Variants in TSNARE1 observed in about 807,000 individuals in gnomAD.
The protein encoded by TSNARE1 is t-SNARE domain containing 1.
In TSNARE1, 49 loss-of-function variants were observed where a neutral mutation model predicts 62.0. The observed-to-expected ratio is 0.79, with a 90% CI of 0.63 to 1.00. The LOEUF (loss-of-function observed/expected upper bound fraction) is 1.00. Among genes scored for constraint, TSNARE1 ranks in the 50% least tolerant of loss-of-function variants. The pLI is 0.00. For synonymous variants in TSNARE1, 328 were observed against 294.4 expected, an observed-to-expected ratio of 1.11 and a Z score of -1.17; for missense variants, 755 against 700.1, an observed-to-expected ratio of 1.08 and a Z score of -0.88.
At chr8:142,378,257 G>A (rs1836486397) in intron 1 of TSNARE1, among the ~76,000 whole-genome samples, 1 of 152,176 alleles carries the variant, frequency 6.6e-6, no homozygotes, top group South Asian at 2.1e-4. Context: ...CACAGTTCAG[G>A]AAAGCAAAAG....
Position 142,315,006 on chromosome 8 carries a change from C to T in TSNARE1, c.1071G>A (p.Gln357=). 6.2e-7 allele frequency: 1 copy of T among 1,614,184 alleles called. No individual in the cohort carries two copies. The change falls in exon 8 of 14, where the codon CAG becomes CAA. Residue 357 remains glutamine, a synonymous_variant. Transcript: ENST00000524325. ...SDAIQCYGVV[Q]KKIAEKSRAL... is the part of the protein sequence containing the mutation. ...ACTGCCCCCACCAGCACCTCACCTTCTGCACCACTCCATAGCACTGAATGG... is the reference window on the plus strand; with the variant it reads ...ACTGCCCCCACCAGCACCTCACCTTTTGCACCACTCCATAGCACTGAATGG...
At chr8:142,337,830 C>T (rs1159996112) in intron 4 of TSNARE1, among the ~76,000 whole-genome samples, 3 of 152,228 alleles carry the variant, frequency 2.0e-5, no homozygotes, top group Admixed American at 6.5e-5. Context: ...ACATATCCCA[C>T]GGCTGCCGCT....
At chr8:142,401,108 G>A (rs941078277) in intron 1 of TSNARE1, among the ~76,000 whole-genome samples, 18 of 152,028 alleles carry the variant, frequency 1.2e-4, no homozygotes, top group Admixed American at 7.2e-4. Context: ...CCCCAACTCC[G>A]CCCACCTGGA....
chr8:142,332,058 A>C (rs1452669288), intron 4 of TSNARE1, among the ~76,000 whole-genome samples: 3 of 152,212 alleles, frequency 2.0e-5, no homozygotes. Flanking sequence ...AGACGAAGGC[A>C]GGGGGTGGTC....
chr8:142,355,531 G>A (rs1834655233), intron 1 of TSNARE1, among the ~76,000 whole-genome samples: 1 of 152,182 alleles, frequency 6.6e-6, no homozygotes, highest in South Asian at 2.1e-4. Context: ...CCTCCCGTGG[G>A]CTGCAGCTCC....
chr8:142,371,931 G>T (rs1169067722), intron 1 of TSNARE1, among the ~76,000 whole-genome samples: 1 of 152,166 alleles, frequency 6.6e-6, no homozygotes, highest in East Asian at 1.9e-4. Flanking sequence ...GGGCAGAGCT[G>T]GGTAGCTGCA....
intron 1 of TSNARE1, among the ~76,000 whole-genome samples, chr8:142,399,920 C>T (rs369650724): frequency 6.6e-6 from 1 of 152,150 alleles, no homozygotes. Context: ...TGGAGCCAGA[C>T]GCCATGACTC....
intron 3 of TSNARE1, 126 bp downstream of exon 3, chr8:142,345,617 G>A: frequency 8.5e-7 from 1 of 1,172,400 alleles, no homozygotes; most frequent in South Asian, 1.7e-5. Flanking sequence ...AGGGGATGCA[G>A]GTCCCTTGCC....
Position 142,277,880 on chromosome 8 carries a change from C to T in TSNARE1, c.1364-3017G>A, listed in dbSNP as rs185878482. 1.2e-4 allele frequency: 116 copies of T among 985,420 alleles called. No individual in the cohort carries two copies. The African/African-American group carries it at 1.8e-3, about 15-fold the overall frequency. The allele number at this position is 985,420 out of a possible 1,614,324, so 61.0% of individuals were successfully genotyped here. On this transcript the variant is annotated intron_variant, in intron 11 of 13. Coordinates refer to ENST00000524325, the MANE Select transcript of TSNARE1 (RefSeq NM_145003.5). ...AGAAAAGGACTAAGCACCTGGGCCA[C>T]ACCAGTGCCACCCCTGCCAGGCCCC...
At chr8:142,289,973 G>A (rs1823483304) in intron 10 of TSNARE1, among the ~76,000 whole-genome samples, 1 of 152,214 alleles carries the variant, frequency 6.6e-6, no homozygotes, top group Non-Finnish European at 1.5e-5. Context: ...GGGCCTCTCA[G>A]GCAGGCAGCT....
At position 142,226,993 on chromosome 8, in the gene TSNARE1, TGCACCCACACAGCAGTGAC is replaced by T. The variant is rs1563760450; in HGVS notation, c.*11+2461_*11+2479del. 1.6e-3 allele frequency among the ~76,000 whole-genome samples: 203 copies of T among 130,216 alleles called. 1 individual carries two copies. Among genetic ancestry groups the T allele is most frequent in the East Asian group, 1.8e-3 (8 of 4,344 alleles). 85.4% of individuals were successfully genotyped at this position (130,216 alleles called of 152,430 possible). On this transcript the variant is annotated intron_variant, in intron 13 of 13. Coordinates refer to ENST00000524325, the MANE Select transcript of TSNARE1 (RefSeq NM_145003.5). ...CGGCAGTGACAGCAAGGCCCCCCAC[TGCACCCACACAGCAGTGAC>T]AGCCAAGCCCCCCACTGCACCCACA... is the stretch of plus-strand genomic sequence containing the variant.
chr8:142,275,430 G>T, intron 11 of TSNARE1: 1 of 985,344 alleles, frequency 1.0e-6, no homozygotes, highest in Non-Finnish European at 1.2e-6. Context: ...CGGGCTCGGT[G>T]GCTGCAGCAG....
chr8:142,350,431 T>C (rs1339259265), intron 2 of TSNARE1, among the ~76,000 whole-genome samples: 3 of 152,350 alleles, frequency 2.0e-5, no homozygotes, highest in South Asian at 2.1e-4. Context: ...TGAATAACGT[T>C]TGACAACTAG....
Position 142,229,822 on chromosome 8 carries a change from C to T in TSNARE1, c.1447-243G>A, listed in dbSNP as rs566300168. ...AAAGGGAGAGAGGCAGGAGACTCAACTTAAGCTCCAGAGTCAGCCAGGCAT... is the reference window on the plus strand; with the variant it reads ...AAAGGGAGAGAGGCAGGAGACTCAATTTAAGCTCCAGAGTCAGCCAGGCAT... On this transcript the variant is annotated intron_variant, in intron 12 of 13. Transcript: ENST00000524325. 2.0e-5 allele frequency among the ~76,000 whole-genome samples: 3 copies of T among 152,288 alleles called. No individual in the cohort carries two copies. The South Asian group carries it at 6.2e-4, about 32-fold the overall frequency.
chr8:142,283,490 T>A (rs1586530860), intron 11 of TSNARE1, among the ~76,000 whole-genome samples: 1 of 136,614 alleles, frequency 7.3e-6, no homozygotes, highest in Non-Finnish European at 1.6e-5. Context: ...CCAGTGTCTG[T>A]CAATGAGCGG....
intron 13 of TSNARE1, among the ~76,000 whole-genome samples, chr8:142,224,627 T>C (rs533083287): frequency 3.9e-4 from 60 of 152,176 alleles, no homozygotes; most frequent in Non-Finnish European, 7.9e-4. Flanking sequence ...TCTTGATTGC[T>C]TCCAGGCTCC....
At position 142,335,756 on chromosome 8, in the gene TSNARE1, C is replaced by G. The variant is rs111890918; in HGVS notation, c.746-3925G>C. Among the ~76,000 whole-genome samples, 876 of 152,278 alleles carry G rather than the reference C, an allele frequency of 5.8e-3. 12 individuals carry two copies. Among genetic ancestry groups the G allele is most frequent in the African/African-American group, 0.02 (835 of 41,552 alleles). On this transcript the variant is annotated intron_variant, in intron 4 of 13. Coordinates refer to ENST00000524325, the MANE Select transcript of TSNARE1 (RefSeq NM_145003.5). ...TCGTCCACTCCAGTAGCCATCAACC[C>G]CTTGCGGCAATTTAAATGTAGATTT...
intron 10 of TSNARE1, among the ~76,000 whole-genome samples, chr8:142,285,902 C>T (rs1025816439): frequency 2.0e-5 from 3 of 152,216 alleles, no homozygotes; most frequent in Non-Finnish European, 2.9e-5. Context: ...TCAGGCAAGG[C>T]ACATACCATC....
intron 1 of TSNARE1, among the ~76,000 whole-genome samples, chr8:142,357,498 C>T (rs868554067): frequency 1.3e-5 from 2 of 152,100 alleles, no homozygotes; most frequent in South Asian, 2.1e-4. Flanking sequence ...GCTGGGGGCA[C>T]GTGAGGGGCT....
Sources: allele counts gnomAD v4.1 joint callset (sites outside exome capture counted in the v4.1 genomes callset), GRCh38; gene constraint gnomAD v4.1.1; transcripts MANE v1.5; gene names NCBI Gene and HGNC (gene_info 2026-07-23, HGNC 2026-07-21).